Variants in SCFD2 observed in about 807,000 individuals in gnomAD.
SCFD2 encodes sec1 family domain-containing protein 2.
A neutral mutation model predicts 58.9 loss-of-function variants in SCFD2; 54 were observed. The observed-to-expected ratio is 0.92, with a 90% CI of 0.74 to 1.15. SCFD2 has a LOEUF of 1.15. SCFD2 is among the 50% of genes most tolerant of loss of function. SCFD2 has a pLI of 0.00. For missense variants in SCFD2, 805 were observed against 836.6 expected (o/e 0.96, Z 0.47); for synonymous variants, 321 against 335.9 (o/e 0.96, Z 0.49).
In SCFD2 at chr4:53,299,578, A is replaced by C. The variant is rs1157314820; in HGVS notation, c.1135+14058T>G. 1.3e-5 allele frequency among the ~76,000 whole-genome samples: 2 copies of C among 151,942 alleles called. 1 individual carries two copies. The highest frequency in any genetic ancestry group is 4.9e-5 in the African/African-American group (2 of 41,222). On this transcript the variant is annotated intron_variant, in intron 3 of 8. Transcript: ENST00000401642. The stretch of plus-strand genomic sequence containing the variant: ...TCTAGCAAGGCAGGCCAACATTCAA[A>C]TTCAGGAAATACAGAGAATACCACA...
At chr4:53,110,633 T>A (rs1053147723) in intron 5 of SCFD2, among the ~76,000 whole-genome samples, 1 of 152,082 alleles carries the variant, frequency 6.6e-6, no homozygotes, top group African/African-American at 2.4e-5. Context: ...AAAACCACAA[T>A]GAGATACCAC....
chr4:52,894,740 G>C (rs1238136121), intron 7 of SCFD2, among the ~76,000 whole-genome samples: 1 of 152,114 alleles, frequency 6.6e-6, no homozygotes, highest in Non-Finnish European at 1.5e-5. Flanking sequence ...CTATCCTCTG[G>C]TTGAGAAGTA....
chr4:52,993,474 C>A (rs1721670089), intron 5 of SCFD2, among the ~76,000 whole-genome samples: 1 of 152,214 alleles, frequency 6.6e-6, no homozygotes, highest in Admixed American at 6.5e-5. Flanking sequence ...ACTAAATCAT[C>A]AAAGTACTTT....
At chr4:53,065,814 C>A (rs1001702188) in intron 5 of SCFD2, among the ~76,000 whole-genome samples, 1 of 151,902 alleles carries the variant, frequency 6.6e-6, no homozygotes, top group African/African-American at 2.4e-5. Context: ...TGTCATTTTT[C>A]AACAGTTTTA....
At chr4:53,324,420 C>CAAAAA (rs34865805) in intron 2 of SCFD2, among the ~76,000 whole-genome samples, 1 of 93,772 alleles carries the variant, frequency 1.1e-5, no homozygotes, top group African/African-American at 4.3e-5. Flanking sequence ...CCTGTCTCTC[C>CAAAAA]AAAAAAAAAA....
At chr4:53,189,981 C>A (rs1211579428) in intron 4 of SCFD2, among the ~76,000 whole-genome samples, 1 of 152,078 alleles carries the variant, frequency 6.6e-6, no homozygotes, top group African/African-American at 2.4e-5. Context: ...ATTTTCAATA[C>A]AAACTAAACA....
chr4:53,116,183 G>A (rs944692188), intron 5 of SCFD2, among the ~76,000 whole-genome samples: 5 of 152,194 alleles, frequency 3.3e-5, no homozygotes, highest in Non-Finnish European at 5.9e-5. Context: ...CATAGAGGAT[G>A]TATGTTAGTC....
chr4:53,256,953 C>T (rs1730662756), intron 4 of SCFD2, among the ~76,000 whole-genome samples: 1 of 149,472 alleles, frequency 6.7e-6, no homozygotes, highest in Non-Finnish European at 1.5e-5. Flanking sequence ...AGAGCTAAAC[C>T]TTTTTTCTTT....
At chr4:53,159,483 G>C (rs1242129131) in intron 4 of SCFD2, among the ~76,000 whole-genome samples, 1 of 152,148 alleles carries the variant, frequency 6.6e-6, no homozygotes, top group Non-Finnish European at 1.5e-5. Flanking sequence ...ATTATGACAA[G>C]GATTCTGACT....
At chr4:53,235,447 A>C (rs1729569108) in intron 4 of SCFD2, among the ~76,000 whole-genome samples, 1 of 152,238 alleles carries the variant, frequency 6.6e-6, no homozygotes, top group South Asian at 2.1e-4. Context: ...CAAATGTGAA[A>C]ATGAAGATTC....
At chr4:53,307,693 T>C (rs6554088) in intron 3 of SCFD2, among the ~76,000 whole-genome samples, 148,754 of 152,278 alleles carry the variant, frequency 0.98, 72,762 homozygotes, top group Middle Eastern at 1. Context: ...AACTTACAAA[T>C]GTAGGGACTT....
intron 4 of SCFD2, among the ~76,000 whole-genome samples, chr4:53,191,178 A>G: frequency 6.6e-6 from 1 of 151,918 alleles, no homozygotes; most frequent in East Asian, 2.0e-4. Context: ...TGAAACCCCC[A>G]TCTCTACTAA....
intron 5 of SCFD2, among the ~76,000 whole-genome samples, chr4:53,108,480 T>C (rs1314255438): frequency 6.6e-6 from 1 of 150,844 alleles, no homozygotes; most frequent in African/African-American, 2.4e-5. Flanking sequence ...GTCAGACTAA[T>C]AAAGAAGAAA....
At chr4:53,113,241 G>T (rs191827633) in intron 5 of SCFD2, among the ~76,000 whole-genome samples, 1 of 152,008 alleles carries the variant, frequency 6.6e-6, no homozygotes, top group Non-Finnish European at 1.5e-5. Flanking sequence ...TTTCAGACAC[G>T]GTAGGACTGC....
chr4:53,273,907 T>C lies in SCFD2; in HGVS notation c.1230A>G (p.Gly410=), dbSNP rs1270544527. Residue 410 remains glycine (G), a synonymous_variant, in exon 4 of 9, where the codon GGA becomes GGG. Coordinates refer to ENST00000401642, the MANE Select transcript of SCFD2 (RefSeq NM_152540.4). Reference sequence around the variant, plus strand: ...GTTTCAACGTTTGAGCTGTGGCCAGTCCAAGCTGGAGGAGGCCACAATGAT... The same window carrying C: ...GTTTCAACGTTTGAGCTGTGGCCAGCCCAAGCTGGAGGAGGCCACAATGAT... The part of the protein sequence containing the change: ...LMNHCGLLQL[G]LATAQTLKHP... 1.1e-5 allele frequency: 18 copies of C among 1,613,846 alleles called. No individual in the cohort carries two copies. The highest frequency in any genetic ancestry group is 1.4e-5 in the Non-Finnish European group (17 of 1,179,916).
At chr4:53,326,241 C>T (rs1431744061) in intron 2 of SCFD2, among the ~76,000 whole-genome samples, 1 of 152,164 alleles carries the variant, frequency 6.6e-6, no homozygotes, top group East Asian at 1.9e-4. Context: ...CTCCTAGGCT[C>T]AAGCAATCCT....
At chr4:53,062,728 C>T (rs1263373588) in intron 5 of SCFD2, among the ~76,000 whole-genome samples, 1 of 152,032 alleles carries the variant, frequency 6.6e-6, no homozygotes, top group East Asian at 1.9e-4. Flanking sequence ...AACTTTTATC[C>T]CATCGTGATA....
rs191407487 is a variant in SCFD2 at position 53,044,955 on chromosome 4, G to A, written c.1561+100378C>T. Among the ~76,000 whole-genome samples, 207 of 127,252 alleles carry A rather than the reference G, an allele frequency of 1.6e-3. 1 individual carries two copies. The highest frequency in any genetic ancestry group is 5.6e-3 in the African/African-American group (191 of 34,188). 83.5% of individuals were successfully genotyped at this position (127,252 alleles called of 152,430 possible). A position where few individuals can be genotyped will look rare whatever the true frequency, so the allele number is the denominator to read the frequency against. ...ACTTGCTTTGAGTCTGGGGTGAGCC[G>A]TGGTAACTTATAGTCACTTAGTAGC... On this transcript the variant is annotated intron_variant, in intron 5 of 8. Transcript: ENST00000401642.
chr4:53,203,356 GA>G (rs1728310836), intron 4 of SCFD2, among the ~76,000 whole-genome samples: 1 of 152,060 alleles, frequency 6.6e-6, no homozygotes, highest in African/African-American at 2.4e-5. Flanking sequence ...GGCATAATCA[GA>G]TTTTTTTTAG....
Sources: gnomAD v4.1 joint callset for allele counts (sites outside exome capture counted in the v4.1 genomes callset) on GRCh38, gnomAD v4.1.1 for gene constraint, MANE v1.5 for transcripts, NCBI Gene and HGNC (gene_info 2026-07-23, HGNC 2026-07-21) for gene names.